PCDH15: variants seen among roughly 807,000 people sequenced by gnomAD.
PCDH15 encodes protocadherin related 15.
In PCDH15, 129 loss-of-function variants were observed where a neutral mutation model predicts 178.5. That is an observed-to-expected ratio of 0.72 (90% CI 0.63 to 0.84). The LOEUF is 0.84. PCDH15 is among the 40% of genes least tolerant of loss of function. The pLI is 0.00. For synonymous variants in PCDH15, 800 were observed against 732.0 expected (o/e 1.09, Z -1.50); for missense variants, 2,230 against 2,099.9 (o/e 1.06, Z -1.21).
At chr10:55,515,351 T>G (rs1840988168) in intron 2 of PCDH15, among the ~76,000 whole-genome samples, 2 of 152,020 alleles carry the variant, frequency 1.3e-5, no homozygotes, top group Non-Finnish European at 2.9e-5. Context: ...TAAATACCCC[T>G]TTGTATTTCA....
At chr10:54,076,473 TCTC>T (rs1003633400) in intron 17 of PCDH15, among the ~76,000 whole-genome samples, 31 of 152,084 alleles carry the variant, frequency 2.0e-4, no homozygotes, top group Admixed American at 1.0e-3. Flanking sequence ...TTTCTCTCTC[TCTC>T]TTTTCTTTCT....
At position 54,992,627 on chromosome 10, in the gene PCDH15, C is replaced by T. The variant is rs1184089952; in HGVS notation, c.-79-95127G>A. 2.6e-5 allele frequency among the ~76,000 whole-genome samples: 4 copies of T among 151,718 alleles called. No individual in the cohort carries two copies. The East Asian group carries it at 5.8e-4, about 22-fold the overall frequency. The stretch of plus-strand genomic sequence containing the variant: ...AAAATTAGCCGGGCGTGGTGGCAGG[C>T]GCTTGTAGTCCCAGCTACTCGGGAG... On this transcript the variant is annotated intron_variant, in intron 2 of 5. Transcript: ENST00000458638.
chr10:55,396,504 T>C lies in PCDH15; in HGVS notation c.-155-229853A>G, dbSNP rs140613731. Among the ~76,000 whole-genome samples the C allele has an allele frequency of 3.7e-3, 567 of 152,306 alleles. 4 individuals carry two copies. The highest frequency in any genetic ancestry group is 0.011 in the African/African-American group (471 of 41,562). On this transcript the variant is annotated intron_variant, in intron 2 of 5. Transcript: ENST00000613346. Reference sequence around the variant, plus strand: ...AGATTTACATCAAGGTGACATCCGATAGGCTGTCATCCTCAGAGTCGCTAA... The same window carrying C: ...AGATTTACATCAAGGTGACATCCGACAGGCTGTCATCCTCAGAGTCGCTAA...
chr10:55,551,988 A>G (rs1842011714), intron 2 of PCDH15, among the ~76,000 whole-genome samples: 2 of 151,716 alleles, frequency 1.3e-5, no homozygotes, highest in African/African-American at 2.4e-5. Context: ...TATTTAAATA[A>G]CACATCTAAA....
chr10:55,321,238 T>C (rs1843892174), upstream of PCDH15, among the ~76,000 whole-genome samples: 1 of 152,040 alleles, frequency 6.6e-6, no homozygotes, highest in Admixed American at 6.5e-5. Flanking sequence ...TGAACCAAGA[T>C]GAGGAAAGTA....
At chr10:55,610,878 T>A (rs994994543) in intron 2 of PCDH15, among the ~76,000 whole-genome samples, 20 of 152,074 alleles carry the variant, frequency 1.3e-4, no homozygotes, top group Admixed American at 6.6e-5. Flanking sequence ...CTAAGGCACC[T>A]AAACTCAATA....
intron 2 of PCDH15, among the ~76,000 whole-genome samples, chr10:54,659,183 A>G (rs1217927399): frequency 6.6e-6 from 1 of 152,224 alleles, no homozygotes; most frequent in African/African-American, 2.4e-5. Context: ...ACTATTAGTT[A>G]TATAATCTGT....
At chr10:54,033,595 C>A (rs552655057) in intron 18 of PCDH15, among the ~76,000 whole-genome samples, 1 of 151,882 alleles carries the variant, frequency 6.6e-6, no homozygotes, top group African/African-American at 2.4e-5. Context: ...TATCTCTGAG[C>A]TTGTACTCAA....
chr10:55,556,864 T>G (rs1281483081), intron 2 of PCDH15, among the ~76,000 whole-genome samples: 1 of 152,128 alleles, frequency 6.6e-6, no homozygotes, highest in East Asian at 1.9e-4. Flanking sequence ...TTTTTTACAT[T>G]TTTCTTAACA....
intron 2 of PCDH15, among the ~76,000 whole-genome samples, chr10:55,011,787 G>C (rs1388274459): frequency 2.0e-5 from 3 of 151,338 alleles, no homozygotes; most frequent in African/African-American, 7.3e-5. Context: ...AAATGAAAAA[G>C]AAAATGAAAA....
At chr10:54,647,888 C>G (rs139388458) in intron 2 of PCDH15, among the ~76,000 whole-genome samples, 1 of 151,976 alleles carries the variant, frequency 6.6e-6, no homozygotes, top group Non-Finnish European at 1.5e-5. Flanking sequence ...GTTTCTTACT[C>G]CTTCTTCCCT....
chr10:55,218,169 G>A (rs1303824923), intron 1 of PCDH15, among the ~76,000 whole-genome samples: 1 of 151,904 alleles, frequency 6.6e-6, no homozygotes, highest in African/African-American at 2.4e-5. Context: ...GAAAGTGAAA[G>A]CTCAGAGCAA....
intron 2 of PCDH15, among the ~76,000 whole-genome samples, chr10:54,647,588 G>A (rs2094158210): frequency 1.3e-5 from 2 of 152,080 alleles, no homozygotes; most frequent in African/African-American, 4.8e-5. Context: ...CATCTTTATG[G>A]CTGTTAGATG....
chr10:54,849,707 C>T lies in PCDH15; in HGVS notation c.-29+47743G>A, dbSNP rs142880358. Reference sequence around the variant, plus strand: ...TTGGTGCAAATAATTGTGGTTTTTGCCAATCATTTCAAAGGAAAGAACCGC... The same window carrying T: ...TTGGTGCAAATAATTGTGGTTTTTGTCAATCATTTCAAAGGAAAGAACCGC... On this transcript the variant is annotated intron_variant, in intron 3 of 5. Transcript: ENST00000458638. 7.9e-5 allele frequency among the ~76,000 whole-genome samples: 12 copies of T among 152,126 alleles called. No homozygotes were observed. In the East Asian group the frequency reaches 2.3e-3, roughly 29 times the overall value.
intron 8 of PCDH15, among the ~76,000 whole-genome samples, chr10:54,312,332 A>T (rs2060959108): frequency 6.6e-6 from 1 of 152,142 alleles, no homozygotes; most frequent in African/African-American, 2.4e-5. Context: ...AACAATGTAC[A>T]TAAAAACCTG....
intron 2 of PCDH15, among the ~76,000 whole-genome samples, chr10:55,525,047 C>T (rs1841272425): frequency 1.3e-5 from 2 of 151,674 alleles, no homozygotes; most frequent in African/African-American, 2.4e-5. Context: ...CACTCCATTG[C>T]TTTAAAATTA....
At chr10:55,602,792 A>C (rs1589172282) in intron 2 of PCDH15, among the ~76,000 whole-genome samples, 1 of 152,312 alleles carries the variant, frequency 6.6e-6, no homozygotes. Flanking sequence ...TGGGGAAAAA[A>C]CAGAACAGAA....
intron 8 of PCDH15, among the ~76,000 whole-genome samples, chr10:54,267,990 AAC>A (rs2057801118): frequency 6.6e-6 from 1 of 151,970 alleles, no homozygotes; most frequent in African/African-American, 2.4e-5. Flanking sequence ...AAGCTAAAAG[AAC>A]ACAGACAGGG....
chr10:53,892,257 C>T (rs377186189), intron 26 of PCDH15, among the ~76,000 whole-genome samples: 1 of 151,888 alleles, frequency 6.6e-6, no homozygotes, highest in Non-Finnish European at 1.5e-5. Flanking sequence ...GAACTCCTGA[C>T]CTCGTGATCC....
Sources: gnomAD v4.1 joint callset for allele counts (sites outside exome capture counted in the v4.1 genomes callset) on GRCh38, gnomAD v4.1.1 for gene constraint, MANE v1.5 for transcripts, NCBI Gene and HGNC (gene_info 2026-07-23, HGNC 2026-07-21) for gene names.